The following PIK3C2G variants were observed in gnomAD, a reference collection of about 807,000 sequenced individuals.
PIK3C2G encodes phosphatidylinositol-4-phosphate 3-kinase catalytic subunit type 2 gamma.
A neutral mutation model predicts 181.1 loss-of-function variants in PIK3C2G; 168 were observed. That is an observed-to-expected ratio of 0.93 (90% confidence interval 0.82 to 1.05). The LOEUF (loss-of-function observed/expected upper bound fraction) is 1.05, where lower values mean the gene tolerates loss of function less well. Among genes scored for constraint, PIK3C2G ranks in the 50% least tolerant of loss-of-function variants. The pLI, the probability that PIK3C2G is intolerant of heterozygous loss-of-function variation, is 0.00. For synonymous variants in PIK3C2G, 573 were observed against 592.2 expected (o/e 0.97, Z 0.47); for missense variants, 1,869 against 1,732.8 (o/e 1.08, Z -1.40).
At chr12:18,338,669 G>GTT in intron 9 of PIK3C2G, 121 bp downstream of exon 9, 2 of 221,856 alleles carry the variant, frequency 9.0e-6, no homozygotes, top group Non-Finnish European at 1.5e-5. Flanking sequence ...GTATCTGTGT[G>GTT]TGTGTGTGTG....
At chr12:18,503,568 A>G (rs1193984907) in intron 23 of PIK3C2G, among the ~76,000 whole-genome samples, 151 bp downstream of exon 23, 1 of 152,188 alleles carries the variant, frequency 6.6e-6, no homozygotes, top group African/African-American at 2.4e-5. Context: ...CCCAGTTTAA[A>G]TGATATATTA....
At chr12:18,404,163 C>T (rs1307836436) in intron 16 of PIK3C2G, among the ~76,000 whole-genome samples, 1 of 151,906 alleles carries the variant, frequency 6.6e-6, no homozygotes, top group Non-Finnish European at 1.5e-5. Flanking sequence ...TTCTCCAAAC[C>T]ATTGTATTCT....
At chr12:18,455,797 G>A (rs561153151) in intron 18 of PIK3C2G, among the ~76,000 whole-genome samples, 1 of 151,986 alleles carries the variant, frequency 6.6e-6, no homozygotes, top group African/African-American at 2.4e-5. Context: ...CATCCCAAAG[G>A]CTTCACCTCT....
the PIK3C2G span, among the ~76,000 whole-genome samples, chr12:18,698,547 C>T: frequency 6.6e-6 from 1 of 152,132 alleles, no homozygotes; most frequent in Non-Finnish European, 1.5e-5. Flanking sequence ...ATCCGCATTC[C>T]CAAACAGCCA....
At chr12:18,604,123 C>T (rs1947884357) in intron 30 of PIK3C2G, among the ~76,000 whole-genome samples, 1 of 152,168 alleles carries the variant, frequency 6.6e-6, no homozygotes, top group Non-Finnish European at 1.5e-5. Context: ...TAAGAACTCA[C>T]CAACCATCTG....
At chr12:18,522,298 T>TA (rs753562637) in intron 24 of PIK3C2G, among the ~76,000 whole-genome samples, 2 of 152,238 alleles carry the variant, frequency 1.3e-5, no homozygotes, top group African/African-American at 2.4e-5. Context: ...CTTAGAGTGT[T>TA]AGAGAATTCT....
intron 18 of PIK3C2G, among the ~76,000 whole-genome samples, chr12:18,465,252 A>C (rs1365828445): frequency 6.6e-6 from 1 of 151,944 alleles, no homozygotes; most frequent in Non-Finnish European, 1.5e-5. Context: ...GTGTGTTTCC[A>C]TCTTAGTGAC....
intron 21 of PIK3C2G, among the ~76,000 whole-genome samples, chr12:18,497,055 C>T (rs1941071051): frequency 6.6e-6 from 1 of 152,096 alleles, no homozygotes; most frequent in Non-Finnish European, 1.5e-5. Context: ...TGACTATCAC[C>T]ACTTTATCAT....
chr12:18,698,914 C>T, the PIK3C2G span, among the ~76,000 whole-genome samples: 3 of 152,180 alleles, frequency 2.0e-5, no homozygotes, highest in South Asian at 6.2e-4. Context: ...TCCTTACTTC[C>T]CCCATACCCC....
intron 29 of PIK3C2G, among the ~76,000 whole-genome samples, 175 bp from the exon 30 acceptor site, chr12:18,594,319 A>G (rs767763088): frequency 2.6e-5 from 4 of 152,068 alleles, no homozygotes; most frequent in Non-Finnish European, 4.4e-5. Context: ...GTTTAACTTA[A>G]TGGTAAGATG....
intron 8 of PIK3C2G, among the ~76,000 whole-genome samples, chr12:18,335,172 T>C (rs1401512003): frequency 1.3e-5 from 2 of 152,252 alleles, no homozygotes; most frequent in Non-Finnish European, 1.5e-5. Context: ...GTGGCTGCTA[T>C]CCAATGTCTG....
chr12:18,378,840 C>T (rs79732273), intron 13 of PIK3C2G, among the ~76,000 whole-genome samples: 16,218 of 152,028 alleles, frequency 0.11, 1,193 homozygotes, highest in Admixed American at 0.25. Flanking sequence ...GTTAGAATGG[C>T]GATCATTAAA....
intron 1 of PIK3C2G, among the ~76,000 whole-genome samples, chr12:18,248,467 G>A (rs557996304): frequency 9.9e-5 from 15 of 152,154 alleles, no homozygotes; most frequent in African/African-American, 3.6e-4. Context: ...CAGCTACTCG[G>A]GAGGCTGAGG....
At chr12:18,285,225 AT>A (rs1384452799) in intron 2 of PIK3C2G, 2 of 152,166 alleles carry the variant, frequency 1.3e-5, no homozygotes, top group Admixed American at 1.3e-4. Flanking sequence ...ACATTTTTAA[AT>A]TCTTTAAAAG....
At chr12:18,311,659 T>C (rs1340540284) in intron 5 of PIK3C2G, among the ~76,000 whole-genome samples, 1 of 152,008 alleles carries the variant, frequency 6.6e-6, no homozygotes, top group South Asian at 2.1e-4. Flanking sequence ...AAATACTACA[T>C]GAAATATATA....
the PIK3C2G span, chr12:18,693,015 A>G: frequency 4.9e-6 from 7 of 1,420,650 alleles, no homozygotes; most frequent in Non-Finnish European, 6.0e-6. Context: ...AGAATTCATT[A>G]GAAATCAGGA....
intron 24 of PIK3C2G, among the ~76,000 whole-genome samples, chr12:18,524,975 A>G (rs1943142128): frequency 6.6e-6 from 1 of 152,154 alleles, no homozygotes; most frequent in South Asian, 2.1e-4. Context: ...GGGCTTTATA[A>G]AAGTTTGTTG....
intron 16 of PIK3C2G, among the ~76,000 whole-genome samples, chr12:18,414,308 CTT>C (rs1945044466): frequency 6.6e-6 from 1 of 152,042 alleles, no homozygotes; most frequent in South Asian, 2.1e-4. Flanking sequence ...ATTAATAAAA[CTT>C]TCGTATAGAA....
At chr12:18,554,496 C>T (rs1294099709) in intron 26 of PIK3C2G, among the ~76,000 whole-genome samples, 2 of 151,672 alleles carry the variant, frequency 1.3e-5, no homozygotes, top group Non-Finnish European at 2.9e-5. Context: ...ACATTACATA[C>T]ATGTGCAACC....
Sources: allele counts gnomAD v4.1 joint callset (sites outside exome capture counted in the v4.1 genomes callset), GRCh38; gene constraint gnomAD v4.1.1; transcripts MANE v1.5; gene names NCBI Gene and HGNC (gene_info 2026-07-23, HGNC 2026-07-21).